The following DEPDC5 variants were observed in gnomAD, a reference collection of about 807,000 sequenced individuals.
The protein encoded by DEPDC5 is DEP domain containing 5, GATOR1 subcomplex subunit.
Under a neutral mutation model 217.3 loss-of-function variants are expected in DEPDC5, and 73 were observed. The observed-to-expected ratio is 0.34, with a 90% CI of 0.28 to 0.41. The LOEUF (loss-of-function observed/expected upper bound fraction) is 0.41. Ranked by LOEUF, DEPDC5 falls within the 10% of genes least tolerant of loss-of-function variation. The pLI is 1.00. For synonymous variants in DEPDC5, 733 were observed against 756.7 expected, an observed-to-expected ratio of 0.97 and a Z score of 0.51; for missense variants, 1,675 against 2,070.1, an observed-to-expected ratio of 0.81 and a Z score of 3.70.
At chr22:31,836,773 G>T in intron 25 of DEPDC5, 199 bp from the exon 26 acceptor site, 1 of 585,100 alleles carries the variant, frequency 1.7e-6, no homozygotes, top group Middle Eastern at 4.5e-4. Context: ...GGATAAGCAT[G>T]TGCACTGCAT....
chr22:31,876,134 C>T (rs762912453), intron 36 of DEPDC5, 23 bp from the exon 37 acceptor site: 5 of 1,611,110 alleles, frequency 3.1e-6, no homozygotes, highest in Non-Finnish European at 4.2e-6. Flanking sequence ...GCAGGAATTT[C>T]AGAGTTTCAA....
At chr22:31,868,709 G>A (rs1442442876) in intron 33 of DEPDC5, among the ~76,000 whole-genome samples, 2 of 152,182 alleles carry the variant, frequency 1.3e-5, no homozygotes, top group Non-Finnish European at 2.9e-5. Context: ...TTACAGGCGT[G>A]AGCCACCGCA....
At chr22:31,760,852 G>A in intron 4 of DEPDC5, 150 bp downstream of exon 4, 1 of 675,922 alleles carries the variant, frequency 1.5e-6, no homozygotes, top group Non-Finnish European at 2.5e-6. Context: ...GGCAGTACAT[G>A]GGAATGTTTG....
In DEPDC5 at chr22:31,768,821, C is replaced by T; in HGVS notation, c.371C>T (p.Thr124Ile). Residue 124 changes from threonine (T) to isoleucine (I), a missense_variant, in exon 7 of 43, where the codon ACA becomes ATA. By Grantham distance (89) the Thr-to-Ile change is moderately conservative (BLOSUM62 -1). Around this residue, in one of 11 missense-constraint regions of DEPDC5, gnomAD observed 628 missense variants for 762.1 expected, o/e 0.82. Transcript: ENST00000651528. ...MWRLKKSLVSTCAYITQKVEF... is the reference protein window; with the variant it reads ...MWRLKKSLVSICAYITQKVEF... ...CTCTCCCCCTCCTCTTAGGTCAGCACATGTGCCTATATCACCCAGAAGGTG... is the reference window on the plus strand; with the variant it reads ...CTCTCCCCCTCCTCTTAGGTCAGCATATGTGCCTATATCACCCAGAAGGTG... 1.2e-6 allele frequency: 2 copies of T among 1,613,596 alleles called. No homozygotes were observed. The highest frequency in any genetic ancestry group is 2.2e-5 in the South Asian group (2 of 90,976).
At chr22:31,893,987 T>G (rs2149380046) in intron 39 of DEPDC5, 1 of 390,518 alleles carries the variant, frequency 2.6e-6, no homozygotes, top group Admixed American at 4.7e-5. Flanking sequence ...GGCCAGATAA[T>G]TCTCTGTGGG....
Position 31,792,760 on chromosome 22 carries a change from T to G in DEPDC5, c.710T>G (p.Ile237Arg). Residue 237 changes from isoleucine to arginine, a missense_variant, in exon 12 of 43, where the codon ATA (isoleucine) becomes AGA (arginine). Physicochemically the swap from Ile to Arg is moderately conservative, Grantham distance 97. Around this residue, in one of 11 missense-constraint regions of DEPDC5, gnomAD observed 628 missense variants for 762.1 expected, o/e 0.82. Coordinates refer to ENST00000651528, the MANE Select transcript of DEPDC5 (RefSeq NM_001242896.3). ...TCTATTTCAGATGAATTTCCTGAAA[T>G]AAACCGAGCCTCAATTCGACAGGAT... ...DAKSVDEFPE[I>R]NRASIRQDHK... 7 of 1,548,498 alleles carry G rather than the reference T, an allele frequency of 4.5e-6. No individual in the cohort carries two copies. The highest frequency in any genetic ancestry group is 6.0e-6 in the Non-Finnish European group (7 of 1,157,552).
Position 31,907,437 on chromosome 22 carries a change from G to C in DEPDC5, c.*940G>C, listed in dbSNP as rs1395811962. On this transcript the variant is annotated 3_prime_UTR_variant, in exon 43 of 43. Coordinates refer to ENST00000651528, the MANE Select transcript of DEPDC5 (RefSeq NM_001242896.3). ...GTTTTCACTCTTGTTGCCCAGGCTG[G>C]AGTGCAATGGTGTGATCTCAGCTCA... 1 of 152,148 alleles carries C rather than the reference G, an allele frequency of 6.6e-6. No homozygotes were observed. The highest frequency in any genetic ancestry group is 3.2e-3 in the Middle Eastern group (1 of 316). The allele number at this position is 152,148 out of a possible 1,614,324, so 9.4% of individuals were successfully genotyped here. A position where few individuals can be genotyped will look rare whatever the true frequency, so the allele number is the denominator to read the frequency against.
chr22:31,891,408 G>C (rs1157695634), intron 38 of DEPDC5: 2 of 292,134 alleles, frequency 6.8e-6, no homozygotes, highest in South Asian at 3.3e-5. Context: ...TCAACTTTTG[G>C]TTAATCTCTG....
At chr22:31,874,917 C>T (rs183302350) in intron 36 of DEPDC5, among the ~76,000 whole-genome samples, 4 of 152,218 alleles carry the variant, frequency 2.6e-5, no homozygotes, top group African/African-American at 7.2e-5. Flanking sequence ...TTCTGTATCA[C>T]CAGTGCCAGG....
intron 38 of DEPDC5, among the ~76,000 whole-genome samples, chr22:31,887,886 G>A (rs2093352248): frequency 6.6e-6 from 1 of 152,092 alleles, no homozygotes; most frequent in Non-Finnish European, 1.5e-5. Context: ...AAATTGAGCT[G>A]TATTCATTGT....
chr22:31,796,518 A>T (rs1216836879), intron 12 of DEPDC5, among the ~76,000 whole-genome samples: 2 of 152,178 alleles, frequency 1.3e-5, no homozygotes, highest in Non-Finnish European at 2.9e-5. Context: ...ATTTTTACAG[A>T]TAGGTTTTTA....
chr22:31,887,431 A>G (rs2093343664), intron 38 of DEPDC5, among the ~76,000 whole-genome samples: 1 of 151,624 alleles, frequency 6.6e-6, no homozygotes, highest in African/African-American at 2.4e-5. Context: ...AAAAAAAAAA[A>G]AAAAAAAAGA....
chr22:31,870,232 A>G lies in DEPDC5; in HGVS notation c.3331-358A>G, dbSNP rs936046029. Among the ~76,000 whole-genome samples, 5 of 152,132 alleles carry G rather than the reference A, an allele frequency of 3.3e-5. No homozygotes were observed. In the East Asian group the frequency reaches 7.7e-4, roughly 23 times the overall value. On this transcript the variant is annotated intron_variant, in intron 33 of 42. Coordinates refer to ENST00000651528, the MANE Select transcript of DEPDC5 (RefSeq NM_001242896.3). ...TGATTCTGACTTCTCCACTCTTTCT[A>G]TGGAGATTTTTCTTTAGTGTAAATC...
Position 31,838,785 on chromosome 22 carries a change from A to G in DEPDC5, c.2455A>G (p.Thr819Ala). The change falls in exon 27 of 43, where the codon ACA (threonine) becomes GCA (alanine). Residue 819 changes from threonine to alanine, a missense_variant. Coordinates refer to ENST00000651528, the MANE Select transcript of DEPDC5 (RefSeq NM_001242896.3). ...CTACCAAATCATAGTGCAGCCCAAG[A>G]CACAGAAACCCAATCCTGCTGTCCC... ...QGYQIIVQPK[T>A]QKPNPAVPPP... The G allele has an allele frequency of 6.2e-7, 1 of 1,614,132 alleles. No individual in the cohort carries two copies. The highest frequency in any genetic ancestry group is 1.1e-5 in the South Asian group (1 of 91,072).
intron 38 of DEPDC5, chr22:31,891,028 T>G: frequency 4.7e-6 from 1 of 214,334 alleles, no homozygotes; most frequent in East Asian, 1.5e-4. Flanking sequence ...AAAAAATGAA[T>G]TTTATTTTGG....
intron 12 of DEPDC5, 75 bp from the exon 13 acceptor site, chr22:31,797,525 T>C: frequency 8.3e-7 from 1 of 1,206,530 alleles, no homozygotes; most frequent in South Asian, 1.2e-5. Flanking sequence ...CAATTTGAGA[T>C]GAAATTTGGG....
intron 41 of DEPDC5, among the ~76,000 whole-genome samples, chr22:31,905,752 G>A (rs1260712022): frequency 2.0e-5 from 3 of 152,106 alleles, no homozygotes; most frequent in Non-Finnish European, 4.4e-5. Context: ...CCACGGAGAT[G>A]ACGGGCTGCT....
At position 31,822,791 on chromosome 22, in the gene DEPDC5, G is replaced by A. The variant is rs1297490328; in HGVS notation, c.2104+1G>A. On this transcript the variant is annotated splice_donor_variant, in intron 24 of 42. Transcript: ENST00000651528. LOFTEE classifies it high-confidence loss of function. ...GGCCTGCTTAGCAACAGTGGTGCAG[G>A]TAACCAATCCAAGAGGTAATAGAGT... 1 of 1,613,704 alleles carries A rather than the reference G, an allele frequency of 6.2e-7. No individual in the cohort carries two copies. Among genetic ancestry groups the A allele is most frequent in the South Asian group, 1.1e-5 (1 of 90,936 alleles).
At chr22:31,824,136 A>C (rs771705195) in intron 24 of DEPDC5, among the ~76,000 whole-genome samples, 1 of 152,214 alleles carries the variant, frequency 6.6e-6, no homozygotes, top group South Asian at 2.1e-4. Context: ...ACCTGAGGTC[A>C]GAAGTTCGAG....
Sources: allele counts gnomAD v4.1 joint callset (sites outside exome capture counted in the v4.1 genomes callset), GRCh38; gene constraint gnomAD v4.1.1; regional missense constraint gnomAD v4.1.1; transcripts MANE v1.5; gene names NCBI Gene and HGNC (gene_info 2026-07-23, HGNC 2026-07-21).